Variants in PTPRG observed in about 807,000 individuals in gnomAD.
PTPRG encodes protein tyrosine phosphatase receptor type G.
A neutral mutation model predicts 165.3 loss-of-function variants in PTPRG; 102 were observed. That is an observed-to-expected ratio of 0.62 (90% CI 0.53 to 0.73). The LOEUF (loss-of-function observed/expected upper bound fraction) is 0.73. Ranked by LOEUF, PTPRG falls within the 30% of genes least tolerant of loss-of-function variation. The pLI is 0.00. For synonymous variants in PTPRG, 675 were observed against 669.5 expected (o/e 1.01, Z -0.13); for missense variants, 1,866 against 1,861.4 (o/e 1.00, Z -0.05).
At chr3:61,767,907 C>A (rs1277918815) in intron 2 of PTPRG, among the ~76,000 whole-genome samples, 2 of 144,978 alleles carry the variant, frequency 1.4e-5, no homozygotes, top group South Asian at 4.3e-4. Flanking sequence ...GAGGTTGAGG[C>A]TACAGTGAGC....
At chr3:61,654,134 A>C (rs1397128931) in intron 1 of PTPRG, among the ~76,000 whole-genome samples, 1 of 152,082 alleles carries the variant, frequency 6.6e-6, no homozygotes, top group African/African-American at 2.4e-5. Context: ...TGTGGTGAGA[A>C]ATGAATCGTG....
intron 1 of PTPRG, among the ~76,000 whole-genome samples, chr3:61,597,226 G>A (rs1700724218): frequency 6.6e-6 from 1 of 152,132 alleles, no homozygotes. Context: ...CTGCTGAATT[G>A]GGGAGCAGGT....
At chr3:62,103,428 A>G (rs1702362294) in intron 5 of PTPRG, among the ~76,000 whole-genome samples, 1 of 152,214 alleles carries the variant, frequency 6.6e-6, no homozygotes, top group East Asian at 1.9e-4. Context: ...AGAGCAAAAT[A>G]AAAGTTATCC....
intron 4 of PTPRG, among the ~76,000 whole-genome samples, chr3:62,038,350 A>G (rs919196688): frequency 9.9e-5 from 15 of 152,188 alleles, no homozygotes; most frequent in African/African-American, 3.6e-4. Context: ...GCATTCGATT[A>G]AGCATATCAT....
intron 2 of PTPRG, among the ~76,000 whole-genome samples, chr3:61,890,314 T>C (rs1237090996): frequency 6.6e-6 from 1 of 152,172 alleles, no homozygotes; most frequent in Non-Finnish European, 1.5e-5. Flanking sequence ...TCTGTGAATG[T>C]ATCTTAGTCT....
chr3:61,973,698 G>C (rs772716265), intron 2 of PTPRG, among the ~76,000 whole-genome samples: 43 of 152,010 alleles, frequency 2.8e-4, no homozygotes, highest in Admixed American at 2.2e-3. Flanking sequence ...TGGGCGTGGT[G>C]GTGGGCGCCT....
chr3:61,782,991 A>C (rs1173255521), intron 2 of PTPRG, among the ~76,000 whole-genome samples: 1 of 151,962 alleles, frequency 6.6e-6, no homozygotes, highest in Non-Finnish European at 1.5e-5. Flanking sequence ...TTTTTTTAAG[A>C]GATGGGGACT....
At chr3:61,563,482 C>T (rs1575503189) in intron 1 of PTPRG, among the ~76,000 whole-genome samples, 1 of 152,246 alleles carries the variant, frequency 6.6e-6, no homozygotes, top group Non-Finnish European at 1.5e-5. Context: ...GCCCCGAGCT[C>T]CCTCGTAGCT....
intron 13 of PTPRG, among the ~76,000 whole-genome samples, chr3:62,230,438 T>C (rs1012519074): frequency 6.6e-6 from 1 of 152,228 alleles, no homozygotes; most frequent in Non-Finnish European, 1.5e-5. Context: ...TGCTATTTTA[T>C]CAACAGAGTT....
chr3:61,721,596 T>C (rs771532246), intron 1 of PTPRG, among the ~76,000 whole-genome samples: 3 of 152,164 alleles, frequency 2.0e-5, no homozygotes, highest in Non-Finnish European at 4.4e-5. Flanking sequence ...ATTTTTGGAT[T>C]AGCTTTGTGT....
intron 2 of PTPRG, among the ~76,000 whole-genome samples, chr3:61,877,532 T>TTA (rs1388535920): frequency 6.6e-6 from 1 of 152,152 alleles, no homozygotes; most frequent in African/African-American, 2.4e-5. Context: ...TCACAGAAAT[T>TTA]TATCATAATT....
At chr3:61,732,561 T>C (rs911980519) in intron 1 of PTPRG, among the ~76,000 whole-genome samples, 1 of 145,944 alleles carries the variant, frequency 6.9e-6, no homozygotes. Context: ...TACAAAAAAT[T>C]AGCCGCGCAT....
chr3:61,567,557 TTGGGAGGCCAAGA>T (rs1699942314), intron 1 of PTPRG, among the ~76,000 whole-genome samples: 2 of 151,052 alleles, frequency 1.3e-5, no homozygotes, highest in Admixed American at 1.3e-4. Flanking sequence ...TCCCCACTAC[TTGGGAGGCCAAGA>T]TGGGAGGATT....
chr3:61,754,780 T>A (rs1389768761), intron 2 of PTPRG, among the ~76,000 whole-genome samples: 1 of 152,184 alleles, frequency 6.6e-6, no homozygotes, highest in Non-Finnish European at 1.5e-5. Flanking sequence ...CATGTCTATT[T>A]TTAAGAATGT....
intron 4 of PTPRG, among the ~76,000 whole-genome samples, chr3:62,053,899 A>G (rs1056759812): frequency 5.3e-5 from 8 of 152,290 alleles, no homozygotes; most frequent in Admixed American, 3.9e-4. Context: ...AATTTTTTAA[A>G]CTTTCTATTG....
In PTPRG at chr3:62,132,785, T is replaced by G. The variant is rs925933730; in HGVS notation, c.682+117T>G. On this transcript the variant is annotated intron_variant, in intron 6 of 29. Transcript: ENST00000474889. ...GTGACACCTATTCCTCATCCCCTGA[T>G]GTTGAAGGGCATTAGAGCCATTATA... The G allele has an allele frequency of 3.2e-6, 3 of 929,474 alleles. No individual in the cohort carries two copies. The African/African-American group carries it at 4.9e-5, about 15-fold the overall frequency. The allele number at this position is 929,474 out of a possible 1,614,324, so 57.6% of individuals were successfully genotyped here.
chr3:62,161,042 G>C (rs1704740279), intron 7 of PTPRG, among the ~76,000 whole-genome samples: 1 of 151,888 alleles, frequency 6.6e-6, no homozygotes, highest in Non-Finnish European at 1.5e-5. Flanking sequence ...TTGTTCTTCG[G>C]CCAAATTACT....
In PTPRG at chr3:62,281,592, T is replaced by A; in HGVS notation, c.3795T>A (p.Ser1265Arg). The stretch of plus-strand genomic sequence containing the variant: ...AAGATGAGTTTGTGTACTGGCCAAG[T>A]CGAGAAGAATCCATGAACTGTGAGG... Reference protein sequence around the residue: ...LAEDEFVYWPSREESMNCEAF... With the variant: ...LAEDEFVYWPRREESMNCEAF... The change falls in exon 27 of 30, where the codon AGT becomes AGA. Residue 1265 changes from serine to arginine, a missense_variant. Coordinates refer to ENST00000474889, the MANE Select transcript of PTPRG (RefSeq NM_002841.4). The A allele has an allele frequency of 6.5e-7, 1 of 1,543,128 alleles. No homozygotes were observed. Among genetic ancestry groups the A allele is most frequent in the East Asian group, 2.6e-5 (1 of 37,762 alleles).
At chr3:61,918,487 A>G (rs1400697879) in intron 2 of PTPRG, among the ~76,000 whole-genome samples, 1 of 152,184 alleles carries the variant, frequency 6.6e-6, no homozygotes, top group Non-Finnish European at 1.5e-5. Context: ...TTGAGATACT[A>G]ATTATTCTTT....
Sources: gnomAD v4.1 joint callset for allele counts (sites outside exome capture counted in the v4.1 genomes callset) on GRCh38, gnomAD v4.1.1 for gene constraint, MANE v1.5 for transcripts, NCBI Gene and HGNC (gene_info 2026-07-23, HGNC 2026-07-21) for gene names.